Variants in RSRC1 observed in about 807,000 individuals in gnomAD.
RSRC1 encodes the protein serine/Arginine-related protein 53.
RSRC1 carries 39 observed loss-of-function variants against 49.1 expected under a neutral mutation model. The ratio of observed to expected loss-of-function variants is 0.79; its 90% CI spans 0.61 to 1.04. RSRC1 has a LOEUF of 1.04. Among genes scored for constraint, RSRC1 ranks in the 50% least tolerant of loss-of-function variants. The pLI is 0.00. For synonymous variants in RSRC1, 143 were observed against 130.8 expected (o/e 1.09, Z -0.63); for missense variants, 388 against 402.4 (o/e 0.96, Z 0.31).
At chr3:158,126,082 CTT>C (rs1245359251) in intron 3 of RSRC1, among the ~76,000 whole-genome samples, 1 of 151,832 alleles carries the variant, frequency 6.6e-6, no homozygotes, top group African/African-American at 2.4e-5. Flanking sequence ...ATATGTGTGT[CTT>C]TACATCTAAG....
Position 158,177,651 on chromosome 3 carries a change from G to A in RSRC1, c.321-25421G>A, listed in dbSNP as rs953426821. Among the ~76,000 whole-genome samples the A allele has an allele frequency of 3.9e-5, 6 of 152,020 alleles. No homozygotes were observed. The East Asian group carries it at 1.2e-3, about 29-fold the overall frequency. ...CACACCAGGGCCTGTCAGAGTGTGG[G>A]GGGCTGGGAGAGGGATAGCATTAGG... is the stretch of plus-strand genomic sequence containing the variant. On this transcript the variant is annotated intron_variant, in intron 3 of 9. Transcript: ENST00000611884.
At chr3:158,505,093 A>T (rs1231284606) in intron 7 of RSRC1, among the ~76,000 whole-genome samples, 1 of 152,228 alleles carries the variant, frequency 6.6e-6, no homozygotes, top group African/African-American at 2.4e-5. Flanking sequence ...TTCATTACAC[A>T]GTTGATGCAT....
chr3:158,294,610 T>C (rs1727132070), intron 4 of RSRC1, among the ~76,000 whole-genome samples: 1 of 152,102 alleles, frequency 6.6e-6, no homozygotes, highest in Non-Finnish European at 1.5e-5. Context: ...ATCTGACTTG[T>C]GCTTCTCCAG....
rs532268495 is a variant in RSRC1 at position 158,415,594 on chromosome 3, A to G, written c.584-45341A>G. Among the ~76,000 whole-genome samples, 4 of 152,130 alleles carry G rather than the reference A, an allele frequency of 2.6e-5. No individual in the cohort carries two copies. In the East Asian group the frequency reaches 7.8e-4, roughly 30 times the overall value. On this transcript the variant is annotated intron_variant, in intron 6 of 9. Coordinates refer to ENST00000611884, the MANE Select transcript of RSRC1 (RefSeq NM_001271838.2). Reference sequence around the variant, plus strand: ...ATATATGGTAAGCACCTAGAATAATATAGAATAATTCAGTAAATATTGACT... The same window carrying G: ...ATATATGGTAAGCACCTAGAATAATGTAGAATAATTCAGTAAATATTGACT...
At chr3:158,476,809 G>A (rs1244702891) in intron 7 of RSRC1, among the ~76,000 whole-genome samples, 1 of 152,110 alleles carries the variant, frequency 6.6e-6, no homozygotes, top group Admixed American at 6.6e-5. Context: ...TATTTTGTGG[G>A]GCTAGAGCTG....
At chr3:158,505,078 AGTT>A (rs1249798150) in intron 7 of RSRC1, among the ~76,000 whole-genome samples, 1 of 152,256 alleles carries the variant, frequency 6.6e-6, no homozygotes, top group Non-Finnish European at 1.5e-5. Flanking sequence ...TAAACTTAAC[AGTT>A]GTTCATTACA....
chr3:158,330,419 A>T (rs1339944131), intron 5 of RSRC1, among the ~76,000 whole-genome samples: 2 of 152,216 alleles, frequency 1.3e-5, no homozygotes, highest in East Asian at 3.8e-4. Flanking sequence ...ATTAGGCTAG[A>T]TTCTTAAAAT....
chr3:158,316,106 A>G (rs1007351937), intron 5 of RSRC1, among the ~76,000 whole-genome samples: 1 of 151,330 alleles, frequency 6.6e-6, no homozygotes, highest in Non-Finnish European at 1.5e-5. Flanking sequence ...CAGGAGGTGG[A>G]GGTTGCAGTG....
At chr3:158,247,302 A>G (rs554156933) in intron 4 of RSRC1, among the ~76,000 whole-genome samples, 1 of 152,138 alleles carries the variant, frequency 6.6e-6, no homozygotes, top group African/African-American at 2.4e-5. Context: ...TTTTGCGTTC[A>G]TTACAACATG....
intron 3 of RSRC1, among the ~76,000 whole-genome samples, chr3:158,149,981 GTTTATC>G (rs1717425221): frequency 6.6e-6 from 1 of 152,096 alleles, no homozygotes; most frequent in South Asian, 2.1e-4. Context: ...TTTCTGTGGT[GTTTATC>G]TTTAATATTC....
At chr3:158,514,067 G>T (rs984317640) in intron 7 of RSRC1, among the ~76,000 whole-genome samples, 2 of 152,088 alleles carry the variant, frequency 1.3e-5, no homozygotes, top group African/African-American at 4.8e-5. Context: ...CAGAAAACCA[G>T]CTCCTGGATT....
chr3:158,255,492 G>A (rs1239360166), intron 4 of RSRC1, among the ~76,000 whole-genome samples: 2 of 152,154 alleles, frequency 1.3e-5, no homozygotes, highest in Non-Finnish European at 2.9e-5. Context: ...TTGAAGTCAG[G>A]TAGCATGATG....
At chr3:158,184,346 A>G (rs184929135) in intron 3 of RSRC1, among the ~76,000 whole-genome samples, 18 of 152,142 alleles carry the variant, frequency 1.2e-4, no homozygotes, top group Admixed American at 1.0e-3. Context: ...GAAATATACT[A>G]ACATATGCTT....
At chr3:158,481,063 T>C (rs1738591708) in intron 7 of RSRC1, among the ~76,000 whole-genome samples, 1 of 152,028 alleles carries the variant, frequency 6.6e-6, no homozygotes, top group Non-Finnish European at 1.5e-5. Flanking sequence ...ACCACCTTGC[T>C]ATGTGAGGAA....
At chr3:158,376,189 C>CGT (rs1732361801) in intron 6 of RSRC1, among the ~76,000 whole-genome samples, 2 of 44,114 alleles carry the variant, frequency 4.5e-5, no homozygotes, top group African/African-American at 1.8e-4. Context: ...CCCTTCCTTT[C>CGT]GTTTTTTTTT....
chr3:158,338,155 T>C (rs2108209061), intron 5 of RSRC1, among the ~76,000 whole-genome samples: 1 of 152,256 alleles, frequency 6.6e-6, no homozygotes, highest in Admixed American at 6.5e-5. Flanking sequence ...GAAATATGTA[T>C]ATAAAATGGC....
chr3:158,154,033 C>T (rs1265921801), intron 3 of RSRC1, among the ~76,000 whole-genome samples: 1 of 152,106 alleles, frequency 6.6e-6, no homozygotes, highest in African/African-American at 2.4e-5. Flanking sequence ...GACAGCTATA[C>T]CTCAGAGATA....
chr3:158,255,448 T>C (rs1724487606), intron 4 of RSRC1, among the ~76,000 whole-genome samples: 2 of 152,234 alleles, frequency 1.3e-5, no homozygotes, highest in African/African-American at 4.8e-5. Context: ...ACCAGTACCA[T>C]GCTGTTTTGT....
chr3:158,239,118 C>A (rs544314775), intron 4 of RSRC1, among the ~76,000 whole-genome samples: 1 of 152,282 alleles, frequency 6.6e-6, no homozygotes, highest in African/African-American at 2.4e-5. Flanking sequence ...AAATGCTCAT[C>A]ATCACTGGTC....
Sources: gnomAD v4.1 joint callset for allele counts (sites outside exome capture counted in the v4.1 genomes callset) on GRCh38, gnomAD v4.1.1 for gene constraint, MANE v1.5 for transcripts, NCBI Gene and HGNC (gene_info 2026-07-23, HGNC 2026-07-21) for gene names.